TMEM178B: variants seen among roughly 807,000 people sequenced by gnomAD.
The protein encoded by TMEM178B is transmembrane protein 178B.
TMEM178B carries 5 observed loss-of-function variants against 31.0 expected under a neutral mutation model. The observed-to-expected ratio is 0.16, with a 90% CI of 0.08 to 0.34. The LOEUF is 0.34. Among genes scored for constraint, TMEM178B ranks in the 10% least tolerant of loss-of-function variants. The pLI, the probability that TMEM178B is intolerant of heterozygous loss-of-function variation, is 1.00. For synonymous variants in TMEM178B, 164 were observed against 164.0 expected (o/e 1.00, Z 0.00); for missense variants, 275 against 400.3 (o/e 0.69, Z 2.67).
chr7:141,341,455 C>T (rs1799514461), intron 2 of TMEM178B, among the ~76,000 whole-genome samples: 1 of 152,180 alleles, frequency 6.6e-6, no homozygotes, highest in African/African-American at 2.4e-5. Context: ...TTCTCTCCTC[C>T]TAAAAAAGAA....
chr7:141,487,741 CAAAAAAAAAAAA>C, the TMEM178B span, among the ~76,000 whole-genome samples: 5 of 30,250 alleles, frequency 1.7e-4, no homozygotes, highest in South Asian at 2.0e-3. Flanking sequence ...GACTCCGTCT[CAAAAAAAAAAAA>C]AAAAAAAAAA....
chr7:141,229,100 G>GGTGTGTGTGTGTGTGTGT (rs3035765), intron 2 of TMEM178B, among the ~76,000 whole-genome samples: 37 of 134,852 alleles, frequency 2.7e-4, no homozygotes, highest in African/African-American at 1.1e-3. Flanking sequence ...GTGTGTGTGT[G>GGTGTGTGTGTGTGTGTGT]GTGTGTGTGT....
chr7:141,107,002 G>A (rs1217886654), intron 1 of TMEM178B, among the ~76,000 whole-genome samples: 2 of 152,192 alleles, frequency 1.3e-5, no homozygotes, highest in Non-Finnish European at 2.9e-5. Flanking sequence ...AAGTTGGGGT[G>A]TTGGTTTGCA....
At chr7:141,299,807 A>G (rs1798693841) in intron 2 of TMEM178B, among the ~76,000 whole-genome samples, 2 of 152,082 alleles carry the variant, frequency 1.3e-5, no homozygotes, top group African/African-American at 2.4e-5. Flanking sequence ...TATTTTGGAA[A>G]TGGGGTCTTG....
chr7:141,406,712 A>G (rs746225397), intron 2 of TMEM178B, among the ~76,000 whole-genome samples: 2 of 152,246 alleles, frequency 1.3e-5, no homozygotes, highest in Non-Finnish European at 2.9e-5. Context: ...AGAAAGAAGC[A>G]GTTTGTGTAG....
chr7:141,395,212 A>T (rs999785230), intron 2 of TMEM178B, among the ~76,000 whole-genome samples: 1 of 152,232 alleles, frequency 6.6e-6, no homozygotes, highest in Non-Finnish European at 1.5e-5. Context: ...AGGAATCCAC[A>T]GAAGTGTAGA....
intron 2 of TMEM178B, among the ~76,000 whole-genome samples, chr7:141,392,692 A>G (rs1226609106): frequency 6.6e-6 from 1 of 152,138 alleles, no homozygotes; most frequent in Non-Finnish European, 1.5e-5. Flanking sequence ...CAAGGATCGC[A>G]CATGGCAGGC....
chr7:141,484,715 C>T (rs1263834830), downstream of TMEM178B, among the ~76,000 whole-genome samples: 1 of 152,100 alleles, frequency 6.6e-6, no homozygotes, highest in African/African-American at 2.4e-5. The surrounding 1 kb of genome is among the most constrained non-coding windows in gnomAD (Gnocchi z 4.8). Context: ...GTGCACACCA[C>T]TACGCCTGGC....
intron 2 of TMEM178B, among the ~76,000 whole-genome samples, chr7:141,387,842 A>G (rs377383159): frequency 5.3e-4 from 80 of 152,072 alleles, no homozygotes; most frequent in African/African-American, 1.9e-3. Flanking sequence ...TTCTTCTGTC[A>G]CAGAACCCAG....
intron 1 of TMEM178B, among the ~76,000 whole-genome samples, chr7:141,149,738 G>A (rs1184592297): frequency 6.6e-6 from 1 of 152,246 alleles, no homozygotes; most frequent in East Asian, 1.9e-4. Flanking sequence ...TGCAAGCTAA[G>A]AGCCACCAAG....
At chr7:141,215,839 T>C (rs200598901) in intron 2 of TMEM178B, among the ~76,000 whole-genome samples, 1 of 64,676 alleles carries the variant, frequency 1.5e-5, no homozygotes, top group Non-Finnish European at 4.1e-5. Flanking sequence ...TCTTTCTTTC[T>C]TTTCTTTTCT....
At chr7:141,374,240 T>C (rs747172881) in intron 2 of TMEM178B, among the ~76,000 whole-genome samples, 11 of 152,160 alleles carry the variant, frequency 7.2e-5, no homozygotes, top group Non-Finnish European at 1.3e-4. Flanking sequence ...TAAACGGGAT[T>C]CCACCAGCAG....
At chr7:141,428,924 T>C (rs1801370674) in intron 2 of TMEM178B, among the ~76,000 whole-genome samples, 1 of 152,106 alleles carries the variant, frequency 6.6e-6, no homozygotes, top group Non-Finnish European at 1.5e-5. Context: ...AAGGATTGAG[T>C]TTGCTGTAGA....
intron 1 of TMEM178B, among the ~76,000 whole-genome samples, chr7:141,204,096 C>T (rs1796923648): frequency 6.6e-6 from 1 of 152,216 alleles, no homozygotes; most frequent in African/African-American, 2.4e-5. Flanking sequence ...CTGCTACACT[C>T]CTCTAAGTCA....
At chr7:141,403,760 C>A (rs960480317) in intron 2 of TMEM178B, among the ~76,000 whole-genome samples, 5 of 152,192 alleles carry the variant, frequency 3.3e-5, no homozygotes, top group African/African-American at 1.2e-4. Context: ...CTGTCCCTGG[C>A]AAGTGCCTAA....
intron 2 of TMEM178B, among the ~76,000 whole-genome samples, chr7:141,336,175 G>C (rs139410090): frequency 6.6e-6 from 1 of 152,176 alleles, no homozygotes; most frequent in Non-Finnish European, 1.5e-5. Context: ...GACTTTATTT[G>C]CTGCTCTTCC....
intron 1 of TMEM178B, among the ~76,000 whole-genome samples, chr7:141,081,385 C>T (rs1048632387): frequency 5.3e-5 from 8 of 152,018 alleles, no homozygotes; most frequent in Non-Finnish European, 1.2e-4. Flanking sequence ...CCTGTAATCC[C>T]AGCACTTTGG....
chr7:141,345,096 A>G lies in TMEM178B; in HGVS notation c.497-92512A>G, dbSNP rs1435868228. ...AAAGAAATTTTGTCCTAAAGCAAGT[A>G]AAAAATTACAGATATATTTCATATA... On this transcript the variant is annotated intron_variant, in intron 2 of 3. Coordinates refer to ENST00000565468, the MANE Select transcript of TMEM178B (RefSeq NM_001195278.2). 1.3e-5 allele frequency among the ~76,000 whole-genome samples: 2 copies of G among 152,228 alleles called. 1 individual carries two copies. Among genetic ancestry groups the G allele is most frequent in the Middle Eastern group, 6.3e-3 (2 of 316 alleles).
chr7:141,186,478 C>T (rs1586815674), intron 1 of TMEM178B, among the ~76,000 whole-genome samples: 1 of 152,218 alleles, frequency 6.6e-6, no homozygotes, highest in Non-Finnish European at 1.5e-5. Flanking sequence ...TTAGCTTCTT[C>T]CTTGTCCATC....
Sources: gnomAD v4.1 joint callset for allele counts (sites outside exome capture counted in the v4.1 genomes callset) on GRCh38, gnomAD v4.1.1 for gene constraint, Gnocchi (gnomAD v3.1) non-coding constraint, MANE v1.5 for transcripts, NCBI Gene and HGNC (gene_info 2026-07-23, HGNC 2026-07-21) for gene names.